The following FARSA variants were observed in gnomAD, a reference collection of about 807,000 sequenced individuals.
FARSA encodes phenylalanyl-tRNA synthetase subunit alpha, also known as phenylalanine--tRNA ligase alpha subunit.
Under a neutral mutation model 63.2 loss-of-function variants are expected in FARSA, and 37 were observed. That is an observed-to-expected ratio of 0.59 (90% CI 0.45 to 0.77). FARSA has a LOEUF of 0.77. FARSA is among the 30% of genes least tolerant of loss of function. FARSA has a pLI of 0.00. For synonymous variants in FARSA, 312 were observed against 285.1 expected (o/e 1.09, Z -0.95); for missense variants, 618 against 696.6 (o/e 0.89, Z 1.27).
At chr19:12,928,872 C>G (rs374498860) in intron 4 of FARSA, 25 bp from the exon 5 acceptor site, 3 of 1,603,128 alleles carry the variant, frequency 1.9e-6, no homozygotes, top group Admixed American at 3.3e-5. Flanking sequence ...AGGAAGGGGA[C>G]GCCACTGCCA....
rs542928808 is a variant in FARSA at position 12,925,168 on chromosome 19, G to A, written c.848C>T (p.Ala283Val). The change falls in exon 8 of 13, where the codon GCG becomes GTG. Residue 283 changes from alanine (A) to valine (V), a missense_variant. Physicochemically the swap from Ala to Val is moderately conservative, Grantham distance 64. Transcript: ENST00000314606. ...QHDTFFLRDP[A>V]EALQLPMDYV... ...GTCCATTGGGAGCTGCAGGGCCTCCGCTGGATCTGGGCAGGACAGAGCAAC... is the reference window on the plus strand; with the variant it reads ...GTCCATTGGGAGCTGCAGGGCCTCCACTGGATCTGGGCAGGACAGAGCAAC... The A allele has an allele frequency of 1.3e-4, 204 of 1,586,964 alleles. No homozygotes were observed. The highest frequency in any genetic ancestry group is 3.2e-4 in the South Asian group (28 of 87,886).
chr19:12,924,598 GCTGCCTCACCACCATGGCCCACCC>G lies in FARSA; in HGVS notation c.1195+17_1195+40del. The G allele has an allele frequency of 1.9e-6, 3 of 1,611,684 alleles. No individual in the cohort carries two copies. Among genetic ancestry groups the G allele is most frequent in the Non-Finnish European group, 2.5e-6 (3 of 1,178,898 alleles). ...ATGCTGGTGATCAACACACCTGCCC[GCTGCCTCACCACCATGGCCCACCC>G]CTGCCCCCCTGCTCACCCAGCTTGG... On this transcript the variant is annotated intron_variant, in intron 10 of 12. Transcript: ENST00000314606. The surrounding 1 kb of genome is among the most constrained non-coding windows in gnomAD (Gnocchi z 6.4).
intron 12 of FARSA, among the ~76,000 whole-genome samples, chr19:12,923,871 C>T (rs1289210347): frequency 6.6e-6 from 1 of 152,178 alleles, no homozygotes; most frequent in Non-Finnish European, 1.5e-5. Flanking sequence ...CTTGGCCTCC[C>T]ACAGCACTGG....
intron 12 of FARSA, 125 bp from the exon 13 acceptor site, chr19:12,923,011 C>G: frequency 7.9e-7 from 1 of 1,258,542 alleles, no homozygotes; most frequent in Non-Finnish European, 1.1e-6. Context: ...CAGGGCCCTG[C>G]GCCAACTGCT....
chr19:12,924,938 GC>G lies in FARSA; in HGVS notation c.991del (p.Ala331ProfsTer96). On this transcript the variant is annotated frameshift_variant, in exon 9 of 13. Transcript: ENST00000314606. LOFTEE classifies it high-confidence loss of function. This position sits in a 1 kb window ranked among gnomAD's most constrained non-coding sequence, Gnocchi z 6.4. Reference protein sequence around the residue: ...KNLLRTHTTSASARALYRLAQ... With the variant: ...KNLLRTHTTSXSARALYRLAQ... ...AAGGCGGTAGAGCGCACGGGCGCTG[GC>G]TGATGTGGTGTGGGTTCGCAGTAGG... is the stretch of plus-strand genomic sequence containing the variant. The G allele has an allele frequency of 6.2e-7, 1 of 1,614,242 alleles. No individual in the cohort carries two copies. The highest frequency in any genetic ancestry group is 8.5e-7 in the Non-Finnish European group (1 of 1,180,040).
rs1971357287 is a variant in FARSA at position 12,928,766 on chromosome 19, C to T, written c.585G>A (p.Glu195=). The change falls in exon 5 of 13, where the codon GAG becomes GAA. Residue 195 remains glutamate (E), a synonymous_variant. Transcript: ENST00000314606. ...ISKQETELSP[E]MISSGSWRDR... ...GGGTTGCCTGCTACCTGGAGATCAT[C>T]TCTGGGCTCAGCTCTGTCTCTTGCT... 1.2e-6 allele frequency: 2 copies of T among 1,613,870 alleles called. No individual in the cohort carries two copies. Among genetic ancestry groups the T allele is most frequent in the East Asian group, 4.5e-5 (2 of 44,852 alleles).
At chr19:12,923,023 T>C in intron 12 of FARSA, 137 bp from the exon 13 acceptor site, 1 of 1,116,266 alleles carries the variant, frequency 9.0e-7, no homozygotes, top group Non-Finnish European at 1.3e-6. Context: ...CCAACTGCTC[T>C]ATCACCTCTC....
At position 12,925,098 on chromosome 19, in the gene FARSA, G is replaced by A. The variant is rs1357328768; in HGVS notation, c.918C>T (p.Gly306=). 56 of 1,612,156 alleles carry A rather than the reference G, an allele frequency of 3.5e-5. No individual in the cohort carries two copies. Among genetic ancestry groups the A allele is most frequent in the Non-Finnish European group, 4.7e-5 (55 of 1,179,558 alleles). The part of the protein sequence containing the change: ...VKRTHSQGGY[G]SQGYKYNWKL... ...GGTAAGTCCTGCCTCACCCCTGTGA[G>A]CCGTAGCCGCCCTGAGAGTGGGTCC... Residue 306 remains glycine (G), a synonymous_variant, in exon 8 of 13, where the codon GGC becomes GGT. Transcript: ENST00000314606.
intron 7 of FARSA, among the ~76,000 whole-genome samples, chr19:12,925,649 C>T (rs1257522381): frequency 1.3e-5 from 2 of 151,888 alleles, no homozygotes; most frequent in Non-Finnish European, 2.9e-5. Context: ...AGCCACTGCA[C>T]CTGGGCTTTA....
chr19:12,926,005 G>A (rs1838878795), intron 7 of FARSA, among the ~76,000 whole-genome samples: 1 of 149,494 alleles, frequency 6.7e-6, no homozygotes, highest in Admixed American at 6.7e-5. Context: ...GTCTCGCTCT[G>A]TCGCCCAGGC....
In FARSA at chr19:12,933,581, C is replaced by G. The variant is rs1352172744; in HGVS notation, c.116G>C (p.Gly39Ala). 2 of 1,548,828 alleles carry G rather than the reference C, an allele frequency of 1.3e-6. No individual in the cohort carries two copies. Residue 39 changes from glycine (G) to alanine (A), a missense_variant, in exon 1 of 13, where the codon GGC (glycine) becomes GCC (alanine). Physicochemically the swap from Gly to Ala is moderately conservative, Grantham distance 60. Transcript: ENST00000314606. The stretch of plus-strand genomic sequence containing the variant: ...CAGCGCCTGAAGGCTCTTCACGGCG[C>G]CCACCACCGCCTGGTGCTCCATGCC... ...ELGMEHQAVV[G>A]AVKSLQALGE...
Position 12,928,023 on chromosome 19 carries a change from CAAAAA to C in FARSA, c.841+314_841+318del, listed in dbSNP as rs34586259. ...TGGGCGACAGAGTGAGACCCTGTCT[CAAAAA>C]AAAAAAAAAAAAAAAAAAAGACTGC... On this transcript the variant is annotated intron_variant, in intron 7 of 12. Transcript: ENST00000314606. 6.0e-3 allele frequency among the ~76,000 whole-genome samples: 440 copies of C among 73,404 alleles called. 2 individuals carry two copies. The highest frequency in any genetic ancestry group is 0.019 in the African/African-American group (410 of 21,026). The allele number at this position is 73,404 out of a possible 152,430, so 48.2% of individuals were successfully genotyped here.
In FARSA at chr19:12,929,458, C is replaced by T. The variant is rs574109399; in HGVS notation, c.504-611G>A. On this transcript the variant is annotated intron_variant, in intron 4 of 12. Coordinates refer to ENST00000314606, the MANE Select transcript of FARSA (RefSeq NM_004461.3). ...CTGACCTCAGGTGATTTGCCCGCCT[C>T]GGCCTCCCAAAGTGCTGGGATTACA... 4.6e-5 allele frequency among the ~76,000 whole-genome samples: 7 copies of T among 152,312 alleles called. No homozygotes were observed. In the East Asian group the frequency reaches 1.2e-3, roughly 25 times the overall value.
At position 12,924,127 on chromosome 19, in the gene FARSA, C is replaced by G; in HGVS notation, c.1388+24G>C. 2 of 1,592,106 alleles carry G rather than the reference C, an allele frequency of 1.3e-6. No homozygotes were observed. The highest frequency in any genetic ancestry group is 1.7e-6 in the Non-Finnish European group (2 of 1,159,896). On this transcript the variant is annotated intron_variant, in intron 12 of 12. Transcript: ENST00000314606. The surrounding 1 kb of genome is among the most constrained non-coding windows in gnomAD (Gnocchi z 6.4). ...GAGTTATTTGAGGCAGCTGGACACC[C>G]CGAGTTTCCACTTGGGCACTTACCG...
At chr19:12,927,440 T>C (rs1414443269) in intron 7 of FARSA, among the ~76,000 whole-genome samples, 1 of 151,582 alleles carries the variant, frequency 6.6e-6, no homozygotes, top group Non-Finnish European at 1.5e-5. Flanking sequence ...AAACAAAAAT[T>C]CATTAATTTT....
rs1185921800 is a variant in FARSA at position 12,930,614 on chromosome 19, T to C, written c.283A>G (p.Met95Val). ...PPEGLAQSELMRLPSGKVGFS... is the reference protein window; with the variant it reads ...PPEGLAQSELVRLPSGKVGFS... ...CCCATTCACCCCGCAGCTCCTACCATAAGCTCGCTCTGGGCCAGGCCCTCT... is the reference window on the plus strand; with the variant it reads ...CCCATTCACCCCGCAGCTCCTACCACAAGCTCGCTCTGGGCCAGGCCCTCT... The change falls in exon 2 of 13, where the codon ATG becomes GTG. Residue 95 changes from methionine to valine, a missense_variant and splice_region_variant. Coordinates refer to ENST00000314606, the MANE Select transcript of FARSA (RefSeq NM_004461.3). 6.2e-7 allele frequency: 1 copy of C among 1,609,760 alleles called. No individual in the cohort carries two copies. The highest frequency in any genetic ancestry group is 2.2e-5 in the East Asian group (1 of 44,798).
chr19:12,931,418 C>T (rs1043714244), intron 1 of FARSA, among the ~76,000 whole-genome samples: 1 of 152,170 alleles, frequency 6.6e-6, no homozygotes, highest in Non-Finnish European at 1.5e-5. Flanking sequence ...TGCCCACCAC[C>T]ACCCCCAGCT....
chr19:12,928,600 G>C lies in FARSA; in HGVS notation c.660C>G (p.Asp220Glu). 1.9e-6 allele frequency: 3 copies of C among 1,612,934 alleles called. No individual in the cohort carries two copies. The highest frequency in any genetic ancestry group is 2.5e-6 in the Non-Finnish European group (3 of 1,179,444). ...TGAGCAGCGGGTGAAGGTGGCCGCTGTCGGGGAGGACACCGTGGGCCAAGA... is the reference window on the plus strand; with the variant it reads ...TGAGCAGCGGGTGAAGGTGGCCGCTCTCGGGGAGGACACCGTGGGCCAAGA... ...YNFLAHGVLPDSGHLHPLLKV... is the reference protein window; with the variant it reads ...YNFLAHGVLPESGHLHPLLKV... Residue 220 changes from aspartate (D) to glutamate (E), a missense_variant, in exon 6 of 13, where the codon GAC becomes GAG. Asp to Glu is a conservative substitution (Grantham distance 45, BLOSUM62 2). Transcript: ENST00000314606.
At chr19:12,931,462 C>T (rs1449268073) in intron 1 of FARSA, among the ~76,000 whole-genome samples, 7 of 152,194 alleles carry the variant, frequency 4.6e-5, no homozygotes, top group Admixed American at 4.6e-4. Flanking sequence ...TGGGGTTTCA[C>T]CATGTTGGCC....
Sources: gnomAD v4.1 joint callset for allele counts (sites outside exome capture counted in the v4.1 genomes callset) on GRCh38, gnomAD v4.1.1 for gene constraint, Gnocchi (gnomAD v3.1) non-coding constraint, MANE v1.5 for transcripts, NCBI Gene and HGNC (gene_info 2026-07-23, HGNC 2026-07-21) for gene names.